Variants in TXNRD1 observed in about 807,000 individuals in gnomAD.
The protein encoded by TXNRD1 is thioredoxin reductase 1.
A neutral mutation model predicts 80.3 loss-of-function variants in TXNRD1; 57 were observed. The observed-to-expected ratio is 0.71, with a 90% CI of 0.57 to 0.89. The LOEUF (loss-of-function observed/expected upper bound fraction) is 0.89. TXNRD1 is among the 40% of genes least tolerant of loss of function. TXNRD1 has a pLI of 0.00. For missense variants in TXNRD1, 730 were observed against 803.0 expected (o/e 0.91, Z 1.10); for synonymous variants, 291 against 285.2 (o/e 1.02, Z -0.20).
At chr12:104,311,646 C>T (rs10861192) in intron 5 of TXNRD1, among the ~76,000 whole-genome samples, 73,442 of 151,502 alleles carry the variant, frequency 0.48, 18,220 homozygotes, top group East Asian at 0.62. Flanking sequence ...TTTTGGAACA[C>T]GTTTCCGTTC....
intron 4 of TXNRD1, among the ~76,000 whole-genome samples, chr12:104,300,877 C>T (rs1408191129): frequency 6.6e-6 from 1 of 152,150 alleles, no homozygotes; most frequent in Non-Finnish European, 1.5e-5. Flanking sequence ...AACTCCTGAC[C>T]TCAGGTGAGC....
intron 5 of TXNRD1, among the ~76,000 whole-genome samples, chr12:104,312,071 T>C (rs1565895348): frequency 6.6e-6 from 1 of 152,038 alleles, no homozygotes; most frequent in African/African-American, 2.4e-5. Context: ...ATTAAGCAAA[T>C]ATATTTCTTA....
intron 3 of TXNRD1, among the ~76,000 whole-genome samples, chr12:104,260,564 T>C (rs2033346181): frequency 6.6e-6 from 1 of 152,206 alleles, no homozygotes; most frequent in Non-Finnish European, 1.5e-5. Flanking sequence ...CACAGGCCCA[T>C]GTAATTCTGA....
intron 3 of TXNRD1, among the ~76,000 whole-genome samples, chr12:104,273,707 T>C (rs1456473500): frequency 1.3e-5 from 2 of 152,238 alleles, no homozygotes; most frequent in Non-Finnish European, 2.9e-5. Context: ...CGTGGCAGCC[T>C]TCTGCAGGCC....
At chr12:104,241,937 A>ATTTTTTTTTTTTTTTT (rs747774973) in intron 1 of TXNRD1, among the ~76,000 whole-genome samples, 1 of 96,074 alleles carries the variant, frequency 1.0e-5, no homozygotes, top group Non-Finnish European at 1.9e-5. Context: ...TATACTAATG[A>ATTTTTTTTTTTTTTTT]TTTTTTTTTT....
intron 4 of TXNRD1, among the ~76,000 whole-genome samples, chr12:104,309,304 G>A (rs1034354112): frequency 3.3e-5 from 5 of 152,162 alleles, no homozygotes; most frequent in Admixed American, 1.3e-4. Flanking sequence ...TTCATTCAGA[G>A]CTTTTTTGGT....
chr12:104,331,375 G>T (rs1194828977), intron 13 of TXNRD1, among the ~76,000 whole-genome samples, 159 bp from the exon 14 acceptor site: 2 of 152,098 alleles, frequency 1.3e-5, no homozygotes, highest in African/African-American at 4.8e-5. Flanking sequence ...GGTTCTCAAT[G>T]TAGTAGATTA....
chr12:104,230,651 T>C (rs1209623246), intron 1 of TXNRD1, among the ~76,000 whole-genome samples: 1 of 152,206 alleles, frequency 6.6e-6, no homozygotes, highest in African/African-American at 2.4e-5. Context: ...CATTTTTTAA[T>C]TGGGTTTTGT....
intron 3 of TXNRD1, among the ~76,000 whole-genome samples, chr12:104,271,979 C>T (rs1392598459): frequency 6.6e-6 from 1 of 151,994 alleles, no homozygotes; most frequent in African/African-American, 2.4e-5. Flanking sequence ...TCCCAGTGGC[C>T]AACATGGTGA....
chr12:104,325,633 GGAGGCCAAGGCGGGCAGATCAC>G (rs550615463), intron 11 of TXNRD1, among the ~76,000 whole-genome samples: 51 of 152,244 alleles, frequency 3.3e-4, no homozygotes, highest in African/African-American at 1.1e-3. Context: ...CAGCACTTTG[GGAGGCCAAGGCGGGCAGATCAC>G]GAGGTCAAGG....
Position 104,325,444 on chromosome 12 carries a change from C to T in TXNRD1, c.1308+15C>T. 6.4e-7 allele frequency: 1 copy of T among 1,565,976 alleles called. No individual in the cohort carries two copies. ...AATATAATACGGTAAGGAATGGGCCCAGGTTAATACTTTATCAGAAAGCAA... is the reference window on the plus strand; with the variant it reads ...AATATAATACGGTAAGGAATGGGCCTAGGTTAATACTTTATCAGAAAGCAA... On this transcript the variant is annotated intron_variant, in intron 11 of 16. Coordinates refer to ENST00000525566, the MANE Select transcript of TXNRD1 (RefSeq NM_001093771.3).
chr12:104,275,513 A>G (rs2033739170), intron 3 of TXNRD1, among the ~76,000 whole-genome samples: 1 of 151,712 alleles, frequency 6.6e-6, no homozygotes. Flanking sequence ...CCTCCTGAGT[A>G]GCTGGGATTA....
At chr12:104,337,084 G>A (rs1565913390) in intron 15 of TXNRD1, among the ~76,000 whole-genome samples, 1 of 151,982 alleles carries the variant, frequency 6.6e-6, no homozygotes, top group Non-Finnish European at 1.5e-5. Flanking sequence ...TTAATTGCAG[G>A]TGGCATCCTC....
intron 3 of TXNRD1, among the ~76,000 whole-genome samples, chr12:104,259,746 C>T (rs972128983): frequency 6.6e-6 from 1 of 151,794 alleles, no homozygotes; most frequent in African/African-American, 2.4e-5. Flanking sequence ...CCTCAGCCTC[C>T]CAAAGTGCTG....
chr12:104,256,942 A>G (rs2033264704), intron 2 of TXNRD1, among the ~76,000 whole-genome samples: 1 of 150,902 alleles, frequency 6.6e-6, no homozygotes, highest in Non-Finnish European at 1.5e-5. Context: ...TTTAGTAGTT[A>G]AGTTTAGAAT....
At chr12:104,284,897 C>T (rs2033940419) in intron 3 of TXNRD1, among the ~76,000 whole-genome samples, 1 of 152,112 alleles carries the variant, frequency 6.6e-6, no homozygotes, top group Admixed American at 6.5e-5. Flanking sequence ...TTGCTACGGC[C>T]AGGCACAGTG....
intron 1 of TXNRD1, among the ~76,000 whole-genome samples, chr12:104,241,181 G>A (rs531587019): frequency 9.6e-5 from 14 of 146,252 alleles, no homozygotes; most frequent in South Asian, 8.8e-4. Context: ...CTGGGACTAC[G>A]GGCTCACGCC....
chr12:104,256,970 T>C (rs2033265733), intron 2 of TXNRD1, among the ~76,000 whole-genome samples: 1 of 145,244 alleles, frequency 6.9e-6, no homozygotes, highest in Non-Finnish European at 1.5e-5. Flanking sequence ...GAATATATTT[T>C]CTTTTCTTTT....
At chr12:104,317,468 C>T (rs2035371306) in intron 7 of TXNRD1, among the ~76,000 whole-genome samples, 1 of 146,068 alleles carries the variant, frequency 6.8e-6, no homozygotes, top group African/African-American at 2.5e-5. Context: ...TATCTGTTCT[C>T]TTAGAGGCTA....
Sources: allele counts gnomAD v4.1 joint callset (sites outside exome capture counted in the v4.1 genomes callset), GRCh38; gene constraint gnomAD v4.1.1; transcripts MANE v1.5; gene names NCBI Gene and HGNC (gene_info 2026-07-23, HGNC 2026-07-21).